Variants in TGFA observed in about 807,000 individuals in gnomAD.
TGFA encodes the protein transforming growth factor alpha.
In TGFA, 12 loss-of-function variants were observed where a neutral mutation model predicts 21.7. The observed-to-expected ratio is 0.55, with a 90% CI of 0.35 to 0.90. The LOEUF (loss-of-function observed/expected upper bound fraction) is 0.90, where lower values mean the gene tolerates loss of function less well. TGFA is among the 40% of genes least tolerant of loss of function. The pLI is 0.01. For synonymous variants in TGFA, 79 were observed against 88.1 expected (o/e 0.90, Z 0.58); for missense variants, 178 against 210.8 (o/e 0.84, Z 0.96).
intron 1 of TGFA, among the ~76,000 whole-genome samples, chr2:70,521,609 GT>G (rs797022948): frequency 8.6e-4 from 68 of 78,788 alleles, no homozygotes; most frequent in South Asian, 2.4e-3. Flanking sequence ...TTTTGTTGTT[GT>G]TTGTTTGTTT....
chr2:70,544,861 C>T (rs1260089454), intron 1 of TGFA, among the ~76,000 whole-genome samples: 2 of 151,922 alleles, frequency 1.3e-5, no homozygotes, highest in Non-Finnish European at 2.9e-5. Context: ...TGATGGTTAC[C>T]AGAGGCTAGA....
chr2:70,510,584 G>GA (rs1672065366), intron 2 of TGFA, among the ~76,000 whole-genome samples: 1 of 152,058 alleles, frequency 6.6e-6, no homozygotes, highest in Non-Finnish European at 1.5e-5. Flanking sequence ...AGAAAACTCA[G>GA]AAAAAACTGA....
At chr2:70,452,974 ACT>A (rs1208252927) in intron 5 of TGFA, among the ~76,000 whole-genome samples, 2 of 152,000 alleles carry the variant, frequency 1.3e-5, no homozygotes, top group African/African-American at 4.8e-5. Context: ...AAACAAAAAA[ACT>A]CTGAGGCTGT....
chr2:70,479,540 A>AG (rs1553495035), intron 2 of TGFA, among the ~76,000 whole-genome samples: 1 of 152,212 alleles, frequency 6.6e-6, no homozygotes, highest in Non-Finnish European at 1.5e-5. Context: ...TTTTCAGCTT[A>AG]AGAAAGTTCT....
chr2:70,506,767 G>A (rs1395891171), intron 2 of TGFA, among the ~76,000 whole-genome samples: 1 of 152,186 alleles, frequency 6.6e-6, no homozygotes, highest in African/African-American at 2.4e-5. Flanking sequence ...GAGAGGTTAA[G>A]TATCTTGCCC....
intron 1 of TGFA, among the ~76,000 whole-genome samples, chr2:70,529,439 C>T (rs997529124): frequency 2.6e-5 from 4 of 152,188 alleles, no homozygotes; most frequent in Non-Finnish European, 5.9e-5. Context: ...GACACTGGAG[C>T]ATTTTTCATC....
At chr2:70,512,467 A>C (rs1553501065) in intron 2 of TGFA, among the ~76,000 whole-genome samples, 1 of 152,100 alleles carries the variant, frequency 6.6e-6, no homozygotes, top group East Asian at 1.9e-4. Context: ...CAGGCCCCCG[A>C]GTGGCACTGA....
chr2:70,551,340 T>C (rs1010047311), intron 1 of TGFA, among the ~76,000 whole-genome samples: 15 of 152,336 alleles, frequency 9.8e-5, no homozygotes, highest in Non-Finnish European at 8.8e-5. Context: ...GGAACCTGGG[T>C]TATGTTTCCA....
At chr2:70,454,016 A>AC (rs1670142802) in intron 4 of TGFA, among the ~76,000 whole-genome samples, 1 of 151,122 alleles carries the variant, frequency 6.6e-6, no homozygotes, top group African/African-American at 2.4e-5. Context: ...AAAAAAAAAA[A>AC]GCCCCAAAAG....
chr2:70,453,610 G>A (rs1670131053), intron 4 of TGFA, among the ~76,000 whole-genome samples: 2 of 152,228 alleles, frequency 1.3e-5, no homozygotes, highest in Non-Finnish European at 2.9e-5. Context: ...TTCCCCAGCT[G>A]TCAGAGAGAA....
intron 2 of TGFA, among the ~76,000 whole-genome samples, chr2:70,497,091 G>C (rs1425964336): frequency 6.6e-6 from 1 of 152,014 alleles, no homozygotes; most frequent in Non-Finnish European, 1.5e-5. Flanking sequence ...AGAAGTTAGA[G>C]AAGGACATGA....
intron 1 of TGFA, among the ~76,000 whole-genome samples, chr2:70,528,408 A>T (rs1213144359): frequency 6.6e-6 from 1 of 151,406 alleles, no homozygotes; most frequent in Non-Finnish European, 1.5e-5. Flanking sequence ...TCACTCTCAC[A>T]CTGGGAGCAT....
chr2:70,532,481 G>A (rs1190708175), intron 1 of TGFA, among the ~76,000 whole-genome samples: 2 of 152,206 alleles, frequency 1.3e-5, no homozygotes, highest in African/African-American at 4.8e-5. Flanking sequence ...TTGGCTCAGG[G>A]AAGAGGAGCA....
chr2:70,472,443 C>T (rs781951096), intron 2 of TGFA, among the ~76,000 whole-genome samples: 11 of 152,244 alleles, frequency 7.2e-5, no homozygotes, highest in Non-Finnish European at 8.8e-5. Flanking sequence ...GACACCACTG[C>T]TCTCTGGGGA....
chr2:70,526,700 C>T (rs1050034988), intron 1 of TGFA, among the ~76,000 whole-genome samples: 10 of 152,274 alleles, frequency 6.6e-5, no homozygotes, highest in African/African-American at 1.7e-4. Flanking sequence ...ATCTCCCCTA[C>T]CAACCCTGCT....
At chr2:70,526,539 C>T (rs1457040749) in intron 1 of TGFA, among the ~76,000 whole-genome samples, 1 of 152,194 alleles carries the variant, frequency 6.6e-6, no homozygotes, top group Non-Finnish European at 1.5e-5. Context: ...TGACTCGAGA[C>T]AAACCAGTAA....
At chr2:70,493,030 A>G (rs2103790892) in intron 2 of TGFA, among the ~76,000 whole-genome samples, 1 of 152,366 alleles carries the variant, frequency 6.6e-6, no homozygotes, top group African/African-American at 2.4e-5. Context: ...TATGAAAACT[A>G]CATGTATATA....
At position 70,499,826 on chromosome 2, in the gene TGFA, G is replaced by A. The variant is rs570216937; in HGVS notation, c.94+15033C>T. On this transcript the variant is annotated intron_variant, in intron 2 of 5. Transcript: ENST00000295400. ...GAGGAAGGATGACCCTGGGGCTGGC[G>A]TTTAGGGAGAAACCCAGGATTGAAG... is the stretch of plus-strand genomic sequence containing the variant. Among the ~76,000 whole-genome samples, 10 of 152,286 alleles carry A rather than the reference G, an allele frequency of 6.6e-5. No homozygotes were observed. In the South Asian group the frequency reaches 1.0e-3, roughly 16 times the overall value.
At chr2:70,513,088 A>G (rs1672155485) in intron 2 of TGFA, among the ~76,000 whole-genome samples, 1 of 152,246 alleles carries the variant, frequency 6.6e-6, no homozygotes, top group African/African-American at 2.4e-5. Flanking sequence ...AGGAAAACAC[A>G]GGAGGCTTCT....
Sources: allele counts gnomAD v4.1 joint callset (sites outside exome capture counted in the v4.1 genomes callset), GRCh38; gene constraint gnomAD v4.1.1; transcripts MANE v1.5; gene names NCBI Gene and HGNC (gene_info 2026-07-23, HGNC 2026-07-21).